The following LRRC8B variants were observed in gnomAD, a reference collection of about 807,000 sequenced individuals.
The protein encoded by LRRC8B is leucine rich repeat containing 8 VRAC subunit B.
Under a neutral mutation model 58.8 loss-of-function variants are expected in LRRC8B, and 23 were observed. That is an observed-to-expected ratio of 0.39 (90% CI 0.28 to 0.55). The LOEUF (loss-of-function observed/expected upper bound fraction) is 0.55, where lower values mean the gene tolerates loss of function less well. Ranked by LOEUF, LRRC8B falls within the 20% of genes least tolerant of loss-of-function variation. The pLI, the probability that LRRC8B is intolerant of heterozygous loss-of-function variation, is 0.62. For synonymous variants in LRRC8B, 359 were observed against 374.1 expected, an observed-to-expected ratio of 0.96 and a Z score of 0.47; for missense variants, 694 against 936.0, an observed-to-expected ratio of 0.74 and a Z score of 3.37.
rs1041669919 is a variant in LRRC8B at position 89,594,925 on chromosome 1, T to C, written c.*1882T>C. 1 of 152,190 alleles carries C rather than the reference T, an allele frequency of 6.6e-6. No homozygotes were observed. Among genetic ancestry groups the C allele is most frequent in the African/African-American group, 2.4e-5 (1 of 41,452 alleles). The allele number at this position is 152,190 out of a possible 1,614,324, so 9.4% of individuals were successfully genotyped here. A position where few individuals can be genotyped will look rare whatever the true frequency, so the allele number is the denominator to read the frequency against. ...GTATATGGAATTGTGGTGCGTGGTA[T>C]GTGTTTTCTCTTGCTTTGTTCCAGA... On this transcript the variant is annotated 3_prime_UTR_variant, in exon 6 of 6. Transcript: ENST00000330947.
In LRRC8B at chr1:89,596,734, A is replaced by C. The variant is rs1354398104; in HGVS notation, c.*3691A>C. The stretch of plus-strand genomic sequence containing the variant: ...ATTTGATCAGCAATTGTACAGTAAC[A>C]GAATATATTTGTGCCAGAAGATTTG... On this transcript the variant is annotated 3_prime_UTR_variant, in exon 6 of 6. Transcript: ENST00000330947. 3 of 152,166 alleles carry C rather than the reference A, an allele frequency of 2.0e-5. No homozygotes were observed. In the East Asian group the frequency reaches 5.8e-4, roughly 29 times the overall value. The allele number at this position is 152,166 out of a possible 1,614,324, so 9.4% of individuals were successfully genotyped here.
At chr1:89,540,743 G>A (rs561432987) in intron 1 of LRRC8B, among the ~76,000 whole-genome samples, 4 of 152,332 alleles carry the variant, frequency 2.6e-5, no homozygotes, top group African/African-American at 9.6e-5. Context: ...TGGCAACTGT[G>A]TGGAGGGTGT....
chr1:89,591,354 TAGAA>T (rs1368968289), intron 5 of LRRC8B, among the ~76,000 whole-genome samples: 2 of 152,216 alleles, frequency 1.3e-5, no homozygotes, highest in Non-Finnish European at 2.9e-5. Flanking sequence ...GGGGTTGCCT[TAGAA>T]AGAGGTTGCA....
At chr1:89,577,622 C>T (rs1653946076) in intron 3 of LRRC8B, among the ~76,000 whole-genome samples, 1 of 152,092 alleles carries the variant, frequency 6.6e-6, no homozygotes, top group South Asian at 2.1e-4. Context: ...TAGTTAAGCA[C>T]TTCAAATAGG....
intron 3 of LRRC8B, among the ~76,000 whole-genome samples, chr1:89,571,812 A>G (rs545400824): frequency 1.3e-5 from 2 of 150,768 alleles, no homozygotes; most frequent in South Asian, 4.2e-4. Flanking sequence ...GGAATGTTTT[A>G]CTTCCAATTA....
chr1:89,551,516 T>G (rs1651814520), intron 1 of LRRC8B, among the ~76,000 whole-genome samples: 1 of 152,246 alleles, frequency 6.6e-6, no homozygotes, highest in Non-Finnish European at 1.5e-5. Flanking sequence ...TTTCTCATTT[T>G]CCTAACTTTA....
chr1:89,582,660 C>T lies in LRRC8B; in HGVS notation c.10C>T (p.Leu4=), dbSNP rs1235075508. The T allele has an allele frequency of 6.2e-7, 1 of 1,612,348 alleles. No individual in the cohort carries two copies. Among genetic ancestry groups the T allele is most frequent in the South Asian group, 1.1e-5 (1 of 91,030 alleles). ...CCTACAAGGGAAAGTCATGATTACACTAACTGAGCTAAAATGCTTAGCAGA... is the reference window on the plus strand; with the variant it reads ...CCTACAAGGGAAAGTCATGATTACATTAACTGAGCTAAAATGCTTAGCAGA... MIT[L]TELKCLADAQ... The change falls in exon 5 of 6, where the codon CTA becomes TTA. Residue 4 remains leucine, a synonymous_variant. Transcript: ENST00000330947.
At chr1:89,552,276 A>G (rs1037302186) in intron 1 of LRRC8B, among the ~76,000 whole-genome samples, 1 of 152,202 alleles carries the variant, frequency 6.6e-6, no homozygotes, top group Non-Finnish European at 1.5e-5. Context: ...AAATGAGAAT[A>G]TATTCTGTTT....
At chr1:89,534,772 A>G (rs1304947325) in intron 1 of LRRC8B, among the ~76,000 whole-genome samples, 2 of 152,226 alleles carry the variant, frequency 1.3e-5, no homozygotes, top group Non-Finnish European at 2.9e-5. Flanking sequence ...CCCCTGAGTT[A>G]TATGCCCAAA....
intron 1 of LRRC8B, among the ~76,000 whole-genome samples, chr1:89,549,406 G>A (rs1008930641): frequency 2.6e-5 from 4 of 152,188 alleles, no homozygotes; most frequent in Admixed American, 6.5e-5. Context: ...TAAAGATGAA[G>A]TAGCTTGGAA....
At chr1:89,548,516 T>C (rs1177015281) in intron 1 of LRRC8B, among the ~76,000 whole-genome samples, 1 of 152,170 alleles carries the variant, frequency 6.6e-6, no homozygotes. Context: ...TAATATTAAG[T>C]TAATGTGAGT....
chr1:89,532,845 C>G (rs1014308422), intron 1 of LRRC8B, among the ~76,000 whole-genome samples: 16 of 152,308 alleles, frequency 1.1e-4, no homozygotes, highest in African/African-American at 3.8e-4. Flanking sequence ...ATACTTTCCT[C>G]AGAATTTGCT....
At chr1:89,534,514 T>TACACACACACACAC (rs71312000) in intron 1 of LRRC8B, among the ~76,000 whole-genome samples, 17 of 149,110 alleles carry the variant, frequency 1.1e-4, no homozygotes, top group African/African-American at 4.2e-4. Context: ...TTTTGTGACA[T>TACACACACACACAC]ACACACACAC....
At chr1:89,570,209 T>C (rs1257760864) in intron 3 of LRRC8B, among the ~76,000 whole-genome samples, 1 of 152,150 alleles carries the variant, frequency 6.6e-6, no homozygotes, top group Non-Finnish European at 1.5e-5. Context: ...TATAATAAAA[T>C]GATTTATATG....
intron 3 of LRRC8B, among the ~76,000 whole-genome samples, chr1:89,577,549 C>T (rs2101039406): frequency 6.6e-6 from 1 of 152,232 alleles, no homozygotes; most frequent in Non-Finnish European, 1.5e-5. Flanking sequence ...GGTCTGGAAA[C>T]AATTTCCTGG....
chr1:89,583,766 G>C lies in LRRC8B; in HGVS notation c.1116G>C (p.Leu372=). ...ATGACTTTGCCTTCATCCTTCATCT[G>C]GCTGATCAGTATGATCCTCTTTATT... ...VKNDFAFILH[L]ADQYDPLYSK... Residue 372 remains leucine (L), a synonymous_variant, in exon 5 of 6, where the codon CTG becomes CTC. Transcript: ENST00000330947. The surrounding 1 kb of genome is among the most constrained non-coding windows in gnomAD (Gnocchi z 5.2). The C allele has an allele frequency of 6.2e-7, 1 of 1,614,150 alleles. No homozygotes were observed. Among genetic ancestry groups the C allele is most frequent in the Non-Finnish European group, 8.5e-7 (1 of 1,180,042 alleles).
intron 1 of LRRC8B, among the ~76,000 whole-genome samples, chr1:89,562,625 T>C (rs1436316334): frequency 7.2e-5 from 11 of 152,188 alleles, no homozygotes; most frequent in African/African-American, 2.4e-4. Context: ...CAGGCGCCAC[T>C]ATGCCCAGCT....
chr1:89,534,197 T>C (rs1241244508), intron 1 of LRRC8B, among the ~76,000 whole-genome samples: 2 of 152,232 alleles, frequency 1.3e-5, no homozygotes, highest in South Asian at 2.1e-4. Flanking sequence ...TGTTCTCATA[T>C]ATTTTTAAAG....
chr1:89,578,434 A>G (rs1477740038), intron 3 of LRRC8B, among the ~76,000 whole-genome samples: 1 of 123,684 alleles, frequency 8.1e-6, no homozygotes, highest in African/African-American at 2.5e-5. Flanking sequence ...GTGAATGAGA[A>G]ATCTTACTCC....
Sources: allele counts gnomAD v4.1 joint callset (sites outside exome capture counted in the v4.1 genomes callset), GRCh38; gene constraint gnomAD v4.1.1; non-coding constraint Gnocchi (gnomAD v3.1); transcripts MANE v1.5; gene names NCBI Gene and HGNC (gene_info 2026-07-23, HGNC 2026-07-21).